GPC4: variants seen among roughly 807,000 people sequenced by gnomAD.
GPC4 encodes glypican 4.
GPC4 carries 10 observed loss-of-function variants against 35.0 expected under a neutral mutation model. The observed-to-expected ratio is 0.29, with a 90% CI of 0.18 to 0.48. The LOEUF (loss-of-function observed/expected upper bound fraction) is 0.48, where lower values mean the gene tolerates loss of function less well. Ranked by LOEUF, GPC4 falls within the 20% of genes least tolerant of loss-of-function variation. GPC4 has a pLI of 0.99. For missense variants in GPC4, 322 were observed against 451.3 expected (o/e 0.71, Z 2.60); for synonymous variants, 167 against 170.2 (o/e 0.98, Z 0.15).
At chrX:133,363,905 T>C (rs2068579553) in intron 1 of GPC4, among the ~76,000 whole-genome samples, 2 of 112,131 alleles carry the variant, frequency 1.8e-5, no homozygotes, top group Admixed American at 9.5e-5. Context: ...TTGCCTATTT[T>C]GTACATTTCA....
chrX:133,322,438 CAA>C (rs756230456), intron 3 of GPC4, among the ~76,000 whole-genome samples: 138 of 57,390 alleles, frequency 2.4e-3, no homozygotes, highest in African/African-American at 7.5e-3. Flanking sequence ...AGCGAGATTC[CAA>C]AAAAAAAAAA....
chrX:133,336,789 T>C (rs1304242811), intron 2 of GPC4, among the ~76,000 whole-genome samples: 1 of 110,763 alleles, frequency 9.0e-6, no homozygotes, highest in Non-Finnish European at 1.9e-5. Flanking sequence ...AACTTTATTG[T>C]CTATGCCATA....
At chrX:133,355,436 T>A (rs904990136) in intron 1 of GPC4, among the ~76,000 whole-genome samples, 1 of 112,058 alleles carries the variant, frequency 8.9e-6, no homozygotes, top group Non-Finnish European at 1.9e-5. Flanking sequence ...TGAACCTTCA[T>A]AGCTCCATGA....
intron 3 of GPC4, among the ~76,000 whole-genome samples, chrX:133,312,905 G>T: frequency 9.0e-6 from 1 of 111,368 alleles, no homozygotes; most frequent in Middle Eastern, 4.7e-3. Flanking sequence ...GATTCCATCC[G>T]GTCACTTGTT....
chrX:133,386,393 T>C (rs2068690556), intron 1 of GPC4, among the ~76,000 whole-genome samples: 1 of 112,295 alleles, frequency 8.9e-6, no homozygotes. Context: ...TGAAAAGTAA[T>C]TGGGCAAAGC....
At chrX:133,402,574 G>A (rs753221217) in intron 1 of GPC4, among the ~76,000 whole-genome samples, 130 of 111,951 alleles carry the variant, frequency 1.2e-3, no homozygotes, top group Non-Finnish European at 2.1e-3. Context: ...TAGAAAGGCT[G>A]ATGCAACAAA....
chrX:133,359,343 T>G (rs930977827), intron 1 of GPC4, among the ~76,000 whole-genome samples: 4 of 110,518 alleles, frequency 3.6e-5, no homozygotes, highest in Non-Finnish European at 7.6e-5. Flanking sequence ...TAATTACTTA[T>G]ATTGGCGGGG....
At chrX:133,403,747 G>A (rs2068775569) in intron 1 of GPC4, among the ~76,000 whole-genome samples, 2 of 108,696 alleles carry the variant, frequency 1.8e-5, no homozygotes, top group African/African-American at 6.7e-5. Flanking sequence ...CCAAGCTGGG[G>A]TGTAGTGGTG....
chrX:133,361,949 A>G (rs940119923), intron 1 of GPC4, among the ~76,000 whole-genome samples: 4 of 111,251 alleles, frequency 3.6e-5, no homozygotes, highest in African/African-American at 1.3e-4. Context: ...GCAATGGCTC[A>G]TACCTGTAAT....
rs192134457 is a variant in GPC4 at position 133,333,569 on chromosome X, A to T, written c.319+5614T>A. Reference sequence around the variant, plus strand: ...CTCATTCTGGTCAAGTTTCACAGAGAGATTATAAAAGAATTAGCAAAAGTA... The same window carrying T: ...CTCATTCTGGTCAAGTTTCACAGAGTGATTATAAAAGAATTAGCAAAAGTA... On this transcript the variant is annotated intron_variant, in intron 2 of 8. Transcript: ENST00000370828. 3.5e-5 allele frequency among the ~76,000 whole-genome samples: 4 copies of T among 112,940 alleles called. No homozygotes were observed. The East Asian group carries it at 1.1e-3, about 31-fold the overall frequency.
intron 1 of GPC4, among the ~76,000 whole-genome samples, chrX:133,410,931 A>G (rs2068810114): frequency 8.9e-6 from 1 of 112,305 alleles, no homozygotes; most frequent in Non-Finnish European, 1.9e-5. Context: ...ACAGAGCCAA[A>G]TTGATGATTC....
chrX:133,341,489 A>G (rs2068466564), intron 1 of GPC4, among the ~76,000 whole-genome samples: 1 of 111,946 alleles, frequency 8.9e-6, no homozygotes, highest in Admixed American at 9.5e-5. Flanking sequence ...AAGCACCTGC[A>G]AAGATTCCAT....
chrX:133,342,054 T>A (rs1409183100), intron 1 of GPC4, among the ~76,000 whole-genome samples: 1 of 98,280 alleles, frequency 1.0e-5, no homozygotes, highest in East Asian at 3.1e-4. Flanking sequence ...TTTTTTTTTT[T>A]GAGACAGAGT....
chrX:133,341,884 T>A (rs1219362187), intron 1 of GPC4, among the ~76,000 whole-genome samples: 2 of 109,120 alleles, frequency 1.8e-5, no homozygotes, highest in Non-Finnish European at 3.8e-5. Context: ...CTGGTCCGAG[T>A]GGATGGCACC....
rs188049202 is a variant in GPC4, at chrX:133,306,878, C to T, written c.878-724G>A. On this transcript the variant is annotated intron_variant, in intron 4 of 8. Coordinates refer to ENST00000370828, the MANE Select transcript of GPC4 (RefSeq NM_001448.3). ...GTGGGCTCACAGTATATATCTTCAC[C>T]GATTATCCTGCTTTAGACTCTGGAG... 6.8e-4 allele frequency among the ~76,000 whole-genome samples: 76 copies of T among 111,856 alleles called. 1 individual carries two copies. The highest frequency in any genetic ancestry group is 2.3e-3 in the African/African-American group (71 of 30,891).
At chrX:133,350,463 G>A (rs2068511776) in intron 1 of GPC4, among the ~76,000 whole-genome samples, 1 of 111,054 alleles carries the variant, frequency 9.0e-6, no homozygotes, top group Non-Finnish European at 1.9e-5. Flanking sequence ...GGCTGAGGCT[G>A]TAGTGAGCCA....
At chrX:133,304,082 A>G (rs1050732295) in intron 7 of GPC4, among the ~76,000 whole-genome samples, 25 of 108,548 alleles carry the variant, frequency 2.3e-4, no homozygotes, top group South Asian at 8.4e-4. Context: ...TCACAAGGTC[A>G]GGAGATCAAG....
chrX:133,374,006 G>A (rs764210639), intron 1 of GPC4, among the ~76,000 whole-genome samples: 9 of 110,955 alleles, frequency 8.1e-5, no homozygotes, highest in South Asian at 3.9e-4. Flanking sequence ...ATTTGGGGGG[G>A]TGATAAAAAT....
At chrX:133,349,622 T>TTTG (rs200420559) in intron 1 of GPC4, among the ~76,000 whole-genome samples, 1,642 of 111,819 alleles carry the variant, frequency 0.015, 43 homozygotes, top group African/African-American at 0.051. Context: ...GTCATAACAA[T>TTTG]TTGTTGTTGT....
Sources: gnomAD v4.1 joint callset for allele counts (sites outside exome capture counted in the v4.1 genomes callset) on GRCh38, gnomAD v4.1.1 for gene constraint, MANE v1.5 for transcripts, NCBI Gene and HGNC (gene_info 2026-07-23, HGNC 2026-07-21) for gene names.